Variants in FRYL observed in about 807,000 individuals in gnomAD.
FRYL encodes protein furry homolog-like.
A neutral mutation model predicts 351.2 loss-of-function variants in FRYL; 150 were observed. The observed-to-expected ratio is 0.43, with a 90% CI of 0.37 to 0.49. The LOEUF (loss-of-function observed/expected upper bound fraction) is 0.49, where lower values mean the gene tolerates loss of function less well. FRYL is among the 20% of genes least tolerant of loss of function. The pLI, the probability that FRYL is intolerant of heterozygous loss-of-function variation, is 0.00. For synonymous variants in FRYL, 1,153 were observed against 1,257.1 expected (o/e 0.92, Z 1.75); for missense variants, 3,036 against 3,619.3 (o/e 0.84, Z 4.13).
intron 2 of FRYL, among the ~76,000 whole-genome samples, chr4:48,687,886 T>G (rs1765312227): frequency 6.6e-6 from 1 of 152,058 alleles, no homozygotes; most frequent in East Asian, 1.9e-4. Context: ...ACGACTTAAT[T>G]AGTATGTAAG....
chr4:48,564,592 A>G (rs1242435995), intron 30 of FRYL, among the ~76,000 whole-genome samples: 1 of 152,222 alleles, frequency 6.6e-6, no homozygotes, highest in Non-Finnish European at 1.5e-5. Flanking sequence ...GGTTAAAAAA[A>G]CGAAATGAAA....
chr4:48,604,827 A>C (rs563340318), intron 11 of FRYL, among the ~76,000 whole-genome samples: 1 of 152,332 alleles, frequency 6.6e-6, no homozygotes, highest in Admixed American at 6.5e-5. Context: ...ACACGATGAT[A>C]ATGGACCATT....
At chr4:48,660,983 A>G (rs1481534815) in intron 3 of FRYL, among the ~76,000 whole-genome samples, 1 of 152,232 alleles carries the variant, frequency 6.6e-6, no homozygotes, top group Non-Finnish European at 1.5e-5. Flanking sequence ...GGTTTCTTGA[A>G]GCAGAAAAAG....
chr4:48,540,253 T>G, intron 46 of FRYL, 100 bp downstream of exon 46: 1 of 1,372,052 alleles, frequency 7.3e-7, no homozygotes, highest in African/African-American at 1.5e-5. Context: ...AAACTATGAC[T>G]ATTTGCAAAA....
chr4:48,556,054 C>A (rs1288438024), intron 35 of FRYL, among the ~76,000 whole-genome samples: 1 of 152,094 alleles, frequency 6.6e-6, no homozygotes, highest in African/African-American at 2.4e-5. Flanking sequence ...GCCACCACAC[C>A]CGGCTAATTT....
chr4:48,763,675 C>A (rs934748467), intron 1 of FRYL, among the ~76,000 whole-genome samples: 1 of 152,100 alleles, frequency 6.6e-6, no homozygotes, highest in East Asian at 1.9e-4. Flanking sequence ...AAGCTCACAG[C>A]AAAGGTCATA....
intron 15 of FRYL, among the ~76,000 whole-genome samples, 164 bp from the exon 16 acceptor site, chr4:48,594,180 A>G (rs547797544): frequency 0.012 from 650 of 55,686 alleles, 7 homozygotes; most frequent in African/African-American, 0.022. Context: ...ATACATGATT[A>G]TAAGTATATT....
chr4:48,586,872 T>C, intron 18 of FRYL, 144 bp from the exon 19 acceptor site: 1 of 565,052 alleles, frequency 1.8e-6, no homozygotes, highest in Non-Finnish European at 3.1e-6. Context: ...ATAAATCCTG[T>C]AGATAATTAT....
At chr4:48,689,010 T>G (rs2149554535) in intron 2 of FRYL, among the ~76,000 whole-genome samples, 1 of 152,278 alleles carries the variant, frequency 6.6e-6, no homozygotes, top group Non-Finnish European at 1.5e-5. Context: ...TATGGAAACA[T>G]ACTACACTGA....
chr4:48,608,261 G>T (rs1318462828), intron 9 of FRYL, among the ~76,000 whole-genome samples: 2 of 152,070 alleles, frequency 1.3e-5, no homozygotes, highest in African/African-American at 4.8e-5. Context: ...AACAATAATT[G>T]TACTTGCCTT....
At chr4:48,683,513 T>C (rs1373799454) in intron 3 of FRYL, among the ~76,000 whole-genome samples, 5 of 152,218 alleles carry the variant, frequency 3.3e-5, no homozygotes, top group Non-Finnish European at 7.4e-5. Flanking sequence ...TTAAGTCAAC[T>C]AGTCTTCATT....
intron 1 of FRYL, among the ~76,000 whole-genome samples, chr4:48,711,187 T>C (rs1767959264): frequency 6.6e-6 from 1 of 152,138 alleles, no homozygotes; most frequent in Non-Finnish European, 1.5e-5. Context: ...TGGGTTCATC[T>C]CACTAGGAGT....
chr4:48,638,531 T>C (rs962297259), intron 3 of FRYL: 5 of 152,116 alleles, frequency 3.3e-5, no homozygotes, highest in African/African-American at 9.7e-5. Flanking sequence ...AGTTCAACCA[T>C]TGTGGAAGAC....
intron 1 of FRYL, among the ~76,000 whole-genome samples, chr4:48,745,614 G>A (rs1191830565): frequency 5.9e-5 from 9 of 152,062 alleles, no homozygotes; most frequent in Non-Finnish European, 1.3e-4. Context: ...GGGGTGGGGG[G>A]AGTGGGGAAG....
At chr4:48,675,610 G>A (rs921052923) in intron 3 of FRYL, among the ~76,000 whole-genome samples, 3 of 152,242 alleles carry the variant, frequency 2.0e-5, no homozygotes, top group East Asian at 3.8e-4. Context: ...AGCCTGCCAT[G>A]CCTGAGCCTC....
In FRYL at chr4:48,590,825, C is replaced by T; in HGVS notation, c.1341G>A (p.Met447Ile). 6.2e-7 allele frequency: 1 copy of T among 1,600,740 alleles called. No homozygotes were observed. ...CAAGGAAGACTCTGAGACCTATGTTCATTCTCTTCAAAGGAAAAAAATGCA... is the reference window on the plus strand; with the variant it reads ...CAAGGAAGACTCTGAGACCTATGTTTATTCTCTTCAAAGGAAAAAAATGCA... ...TKTFTINPER[M>I]NIGLRVFLVI... Residue 447 changes from methionine (M) to isoleucine (I), a missense_variant, in exon 17 of 64, where the codon ATG (methionine) becomes ATA (isoleucine). Met to Ile is a conservative substitution (Grantham distance 10). Transcript: ENST00000358350.
At chr4:48,726,628 G>T (rs1453336405) in intron 1 of FRYL, among the ~76,000 whole-genome samples, 1 of 152,170 alleles carries the variant, frequency 6.6e-6, no homozygotes, top group African/African-American at 2.4e-5. Context: ...GTTGCAGTGA[G>T]CCGAGATCAT....
chr4:48,627,395 G>A (rs1435912668), intron 4 of FRYL, among the ~76,000 whole-genome samples: 1 of 152,098 alleles, frequency 6.6e-6, no homozygotes. Context: ...ATTCAACACA[G>A]TTATAGCCAA....
At chr4:48,732,344 CA>C (rs1427023769) in intron 1 of FRYL, among the ~76,000 whole-genome samples, 1 of 152,026 alleles carries the variant, frequency 6.6e-6, no homozygotes, top group African/African-American at 2.4e-5. Flanking sequence ...TAAATTAGTT[CA>C]AGCATTGTGG....
Sources: gnomAD v4.1 joint callset for allele counts (sites outside exome capture counted in the v4.1 genomes callset) on GRCh38, gnomAD v4.1.1 for gene constraint, MANE v1.5 for transcripts, NCBI Gene and HGNC (gene_info 2026-07-23, HGNC 2026-07-21) for gene names.